ASPRV1: variants seen among roughly 807,000 people sequenced by gnomAD.
ASPRV1 encodes aspartic peptidase retroviral like 1.
ASPRV1 carries 7 observed loss-of-function variants against 11.0 expected under a neutral mutation model. The ratio of observed to expected loss-of-function variants is 0.64; its 90% CI spans 0.36 to 1.20. The LOEUF (loss-of-function observed/expected upper bound fraction) is 1.20. ASPRV1 is among the 50% of genes most tolerant of loss of function. ASPRV1 has a pLI of 0.02. For synonymous variants in ASPRV1, 136 were observed against 138.4 expected (o/e 0.98, Z 0.12); for missense variants, 299 against 320.0 (o/e 0.93, Z 0.50).
the ASPRV1 span, among the ~76,000 whole-genome samples, chr2:70,010,409 G>C: frequency 6.6e-6 from 1 of 152,130 alleles, no homozygotes. Flanking sequence ...TGCGTGGCAA[G>C]GGTGGAGGGC....
At chr2:69,951,281 G>A in the ASPRV1 span, among the ~76,000 whole-genome samples, 5 of 151,522 alleles carry the variant, frequency 3.3e-5, no homozygotes, top group South Asian at 2.1e-4. Flanking sequence ...AAAATTAGCT[G>A]GGCATGGTGG....
At chr2:69,936,754 A>G in the ASPRV1 span, among the ~76,000 whole-genome samples, 54 of 152,366 alleles carry the variant, frequency 3.5e-4, 1 homozygote, top group African/African-American at 1.3e-3. Context: ...GCTAACAAAC[A>G]GAAGTTAATT....
the ASPRV1 span, among the ~76,000 whole-genome samples, chr2:70,048,107 CAAAAAAAAAA>C: frequency 1.8e-3 from 59 of 32,492 alleles, 1 homozygote; most frequent in African/African-American, 6.7e-3. Flanking sequence ...GACTCCATCT[CAAAAAAAAAA>C]AAAAAAAAAA....
chr2:69,998,984 G>A, the ASPRV1 span, among the ~76,000 whole-genome samples: 6 of 152,216 alleles, frequency 3.9e-5, no homozygotes, highest in African/African-American at 1.4e-4. Flanking sequence ...GGGCCCACAG[G>A]ACTGTCTCTG....
chr2:70,054,442 C>T, the ASPRV1 span, among the ~76,000 whole-genome samples: 2 of 151,552 alleles, frequency 1.3e-5, no homozygotes, highest in African/African-American at 4.8e-5. Context: ...TAGCCCGGCG[C>T]GGTGGCAGGC....
At chr2:69,989,707 G>A in the ASPRV1 span, among the ~76,000 whole-genome samples, 11 of 152,318 alleles carry the variant, frequency 7.2e-5, 1 homozygote, top group South Asian at 1.2e-3. Flanking sequence ...GCACTGGCCC[G>A]CCAACCCCAG....
chr2:70,034,154 T>TAAAAAAA, the ASPRV1 span, among the ~76,000 whole-genome samples: 1 of 69,234 alleles, frequency 1.4e-5, no homozygotes, highest in African/African-American at 5.5e-5. Flanking sequence ...CTCCATCTCA[T>TAAAAAAA]AAAAAAAAAA....
the ASPRV1 span, among the ~76,000 whole-genome samples, chr2:69,977,600 G>A: frequency 2.0e-5 from 3 of 152,224 alleles, no homozygotes; most frequent in Admixed American, 6.5e-5. Flanking sequence ...GGATAATTTC[G>A]TCTTGGGTTT....
the ASPRV1 span, among the ~76,000 whole-genome samples, chr2:69,933,213 A>C: frequency 4.8e-3 from 732 of 151,292 alleles, 8 homozygotes; most frequent in African/African-American, 0.017. Flanking sequence ...AAAAAAAAAA[A>C]AAAAAAAAAA....
chr2:70,027,096 A>T, the ASPRV1 span, among the ~76,000 whole-genome samples: 1 of 152,086 alleles, frequency 6.6e-6, no homozygotes, highest in Non-Finnish European at 1.5e-5. Flanking sequence ...CAAAAAATTT[A>T]AACATTAAAA....
At chr2:69,951,444 TGA>T in the ASPRV1 span, among the ~76,000 whole-genome samples, 5 of 80,898 alleles carry the variant, frequency 6.2e-5, no homozygotes, top group Admixed American at 2.4e-4. Context: ...AAAAAAAAAG[TGA>T]GTGTGTGTGT....
the ASPRV1 span, among the ~76,000 whole-genome samples, chr2:70,068,486 G>A: frequency 6.6e-6 from 1 of 152,168 alleles, no homozygotes; most frequent in Non-Finnish European, 1.5e-5. Flanking sequence ...GGGTTTCTAG[G>A]GGTATCTAGA....
At chr2:69,938,041 C>G in the ASPRV1 span, 83 of 1,557,486 alleles carry the variant, frequency 5.3e-5, no homozygotes, top group African/African-American at 1.0e-3. Context: ...GCCACCACGC[C>G]TGAGCTTTCT....
chr2:69,983,006 T>A, the ASPRV1 span, among the ~76,000 whole-genome samples: 2 of 152,028 alleles, frequency 1.3e-5, no homozygotes, highest in African/African-American at 4.8e-5. Flanking sequence ...GCAACCTCCA[T>A]CTCCAGCGTT....
chr2:69,965,094 C>G (rs934544871), upstream of ASPRV1, among the ~76,000 whole-genome samples: 1 of 152,202 alleles, frequency 6.6e-6, no homozygotes, highest in African/African-American at 2.4e-5. Flanking sequence ...GTCGCCCAGG[C>G]TGGAGTGCAG....
At chr2:70,054,611 T>G in the ASPRV1 span, among the ~76,000 whole-genome samples, 1 of 149,132 alleles carries the variant, frequency 6.7e-6, no homozygotes, top group Non-Finnish European at 1.5e-5. Flanking sequence ...AATAATAAAA[T>G]AATAAGAGGG....
At chr2:69,990,504 G>A in the ASPRV1 span, among the ~76,000 whole-genome samples, 2 of 152,144 alleles carry the variant, frequency 1.3e-5, no homozygotes. Context: ...TGTAGACAGG[G>A]TCTCACTCTG....
chr2:70,036,670 A>C, the ASPRV1 span, among the ~76,000 whole-genome samples: 1 of 152,098 alleles, frequency 6.6e-6, no homozygotes, highest in Non-Finnish European at 1.5e-5. Flanking sequence ...TTCTAAAGTA[A>C]TTTTTATTTT....
chr2:69,938,416 A>C, the ASPRV1 span: 1 of 890,638 alleles, frequency 1.1e-6, no homozygotes, highest in Non-Finnish European at 1.7e-6. Flanking sequence ...CAGCTTTGTA[A>C]CTGTTTTCAA....
Sources: gnomAD v4.1 joint callset for allele counts (sites outside exome capture counted in the v4.1 genomes callset) on GRCh38, gnomAD v4.1.1 for gene constraint, MANE v1.5 for transcripts, NCBI Gene and HGNC (gene_info 2026-07-23, HGNC 2026-07-21) for gene names.